Variants in GALNT7 observed in about 807,000 individuals in gnomAD.
The protein encoded by GALNT7 is polypeptide N-acetylgalactosaminyltransferase 7.
In GALNT7, 60 loss-of-function variants were observed where a neutral mutation model predicts 82.1. The ratio of observed to expected loss-of-function variants is 0.73; its 90% CI spans 0.59 to 0.91. GALNT7 has a LOEUF of 0.91. Ranked by LOEUF, GALNT7 falls within the 40% of genes least tolerant of loss-of-function variation. GALNT7 has a pLI of 0.00. For synonymous variants in GALNT7, 243 were observed against 275.1 expected (o/e 0.88, Z 1.15); for missense variants, 660 against 804.2 (o/e 0.82, Z 2.17).
chr4:173,202,444 A>T (rs1579906771), intron 1 of GALNT7, among the ~76,000 whole-genome samples: 1 of 152,332 alleles, frequency 6.6e-6, no homozygotes, highest in East Asian at 1.9e-4. Flanking sequence ...GAGCTGAGAA[A>T]TCACCGAAAT....
At chr4:173,281,491 A>C (rs1736106496) in intron 2 of GALNT7, among the ~76,000 whole-genome samples, 1 of 152,116 alleles carries the variant, frequency 6.6e-6, no homozygotes, top group Non-Finnish European at 1.5e-5. Flanking sequence ...CTGGCAGGCC[A>C]CTGGCTCTCA....
intron 8 of GALNT7, among the ~76,000 whole-genome samples, chr4:173,311,039 A>G (rs575481669): frequency 5.1e-4 from 77 of 152,298 alleles, no homozygotes; most frequent in Non-Finnish European, 8.1e-4. Context: ...GAAGAAACTG[A>G]AGCAAGTTTT....
chr4:173,250,005 T>C (rs1243598027), intron 2 of GALNT7, among the ~76,000 whole-genome samples: 1 of 152,206 alleles, frequency 6.6e-6, no homozygotes, highest in Non-Finnish European at 1.5e-5. Flanking sequence ...GAAGGGACTT[T>C]CTGCTGCAGG....
chr4:173,310,814 C>A (rs1737356369), intron 8 of GALNT7, among the ~76,000 whole-genome samples: 1 of 152,140 alleles, frequency 6.6e-6, no homozygotes, highest in South Asian at 2.1e-4. Flanking sequence ...CAGCTCACTG[C>A]AACCTCTGCC....
intron 1 of GALNT7, among the ~76,000 whole-genome samples, chr4:173,227,951 A>G (rs554322849): frequency 6.6e-6 from 1 of 151,952 alleles, no homozygotes; most frequent in East Asian, 1.9e-4. Context: ...GGCCATAAAT[A>G]TTGTTTCTAT....
At chr4:173,240,684 G>A (rs754561071) in intron 1 of GALNT7, among the ~76,000 whole-genome samples, 1 of 152,116 alleles carries the variant, frequency 6.6e-6, no homozygotes, top group East Asian at 1.9e-4. Flanking sequence ...TAAGACTGGG[G>A]ATACCATCAG....
intron 1 of GALNT7, among the ~76,000 whole-genome samples, chr4:173,189,335 T>G (rs1196119475): frequency 1.3e-5 from 2 of 152,224 alleles, no homozygotes; most frequent in Non-Finnish European, 2.9e-5. Flanking sequence ...GTTTAGGAAT[T>G]TCTTTTATGC....
At chr4:173,208,061 A>G (rs1338063448) in intron 1 of GALNT7, among the ~76,000 whole-genome samples, 2 of 151,762 alleles carry the variant, frequency 1.3e-5, no homozygotes, top group African/African-American at 4.8e-5. Context: ...GTTCCTATTG[A>G]TTTGTAAGAG....
rs368682393 is a variant in GALNT7, at chr4:173,224,738, C to T, written c.127-23242C>T. On this transcript the variant is annotated intron_variant, in intron 1 of 11. Coordinates refer to ENST00000265000, the MANE Select transcript of GALNT7 (RefSeq NM_017423.3). ...TTTAAAAATGCAAATATTGGCCGGGCGCGGTGGCTCACGCCTGTAATCCCA... is the reference window on the plus strand; with the variant it reads ...TTTAAAAATGCAAATATTGGCCGGGTGCGGTGGCTCACGCCTGTAATCCCA... 1.9e-4 allele frequency among the ~76,000 whole-genome samples: 29 copies of T among 152,020 alleles called. No individual in the cohort carries two copies. The East Asian group carries it at 2.3e-3, about 12-fold the overall frequency.
chr4:173,272,031 C>G (rs1172565632), intron 2 of GALNT7, among the ~76,000 whole-genome samples: 4 of 152,100 alleles, frequency 2.6e-5, no homozygotes, highest in African/African-American at 9.7e-5. Context: ...AGTCTTTGTG[C>G]CCATCATTGA....
intron 10 of GALNT7, among the ~76,000 whole-genome samples, chr4:173,318,025 C>A (rs933683950): frequency 2.6e-5 from 4 of 152,146 alleles, no homozygotes; most frequent in Non-Finnish European, 5.9e-5. Context: ...ACTATGTAAG[C>A]CTAGCTCCCT....
intron 1 of GALNT7, among the ~76,000 whole-genome samples, chr4:173,198,060 T>G (rs962278587): frequency 1.6e-5 from 2 of 124,718 alleles, no homozygotes; most frequent in African/African-American, 5.5e-5. Flanking sequence ...TTACTTGGAT[T>G]GTTTCTTTTT....
intron 2 of GALNT7, among the ~76,000 whole-genome samples, chr4:173,279,587 T>C (rs911649307): frequency 1.3e-5 from 2 of 152,234 alleles, no homozygotes; most frequent in Non-Finnish European, 2.9e-5. Flanking sequence ...CTGTTTCTTA[T>C]AAATTGTAAG....
At chr4:173,294,990 G>T (rs1235872417) in intron 3 of GALNT7, among the ~76,000 whole-genome samples, 1 of 152,156 alleles carries the variant, frequency 6.6e-6, no homozygotes. Flanking sequence ...GGATTCCAGT[G>T]CAATTGTATA....
chr4:173,267,756 C>T (rs1310896654), intron 2 of GALNT7, among the ~76,000 whole-genome samples: 1 of 151,926 alleles, frequency 6.6e-6, no homozygotes, highest in Admixed American at 6.6e-5. Context: ...GTTTCCTCTT[C>T]TAGCAATTGT....
At chr4:173,316,503 A>C (rs751774121) in intron 9 of GALNT7, 1 of 151,934 alleles carries the variant, frequency 6.6e-6, no homozygotes, top group Non-Finnish European at 1.5e-5. Flanking sequence ...TTTCCCTTAC[A>C]TTCCCAGAGT....
At chr4:173,200,864 G>C (rs1401484754) in intron 1 of GALNT7, among the ~76,000 whole-genome samples, 1 of 152,148 alleles carries the variant, frequency 6.6e-6, no homozygotes. Context: ...AATTAGAGTA[G>C]CATTTCTCAA....
intron 6 of GALNT7, 29 bp downstream of exon 6, chr4:173,298,326 CT>C (rs767372833): frequency 6.8e-7 from 1 of 1,474,070 alleles, no homozygotes; most frequent in South Asian, 1.4e-5. Context: ...ACATATTTTT[CT>C]TTTCTCCAGT....
At chr4:173,289,221 G>A (rs1045404304) in intron 2 of GALNT7, among the ~76,000 whole-genome samples, 6 of 152,116 alleles carry the variant, frequency 3.9e-5, no homozygotes, top group African/African-American at 1.2e-4. Context: ...AGAAATGAAA[G>A]TAAAAGGGTA....
Sources: allele counts gnomAD v4.1 joint callset (sites outside exome capture counted in the v4.1 genomes callset), GRCh38; gene constraint gnomAD v4.1.1; transcripts MANE v1.5; gene names NCBI Gene and HGNC (gene_info 2026-07-23, HGNC 2026-07-21).